Variants in EDN2 observed in about 807,000 individuals in gnomAD.
EDN2 encodes the protein endothelin 2, also known as endothelin-2.
Under a neutral mutation model 19.9 loss-of-function variants are expected in EDN2, and 10 were observed. That is an observed-to-expected ratio of 0.50 (90% CI 0.31 to 0.85). The LOEUF (loss-of-function observed/expected upper bound fraction) is 0.85. EDN2 is among the 40% of genes least tolerant of loss of function. The pLI is 0.05. For synonymous variants in EDN2, 84 were observed against 94.9 expected (o/e 0.89, Z 0.67); for missense variants, 222 against 239.3 (o/e 0.93, Z 0.48).
At chr1:41,479,925 G>A (rs1429453281) in intron 4 of EDN2, among the ~76,000 whole-genome samples, 1 of 152,206 alleles carries the variant, frequency 6.6e-6, no homozygotes, top group East Asian at 1.9e-4. Flanking sequence ...GTTCAAGGTA[G>A]TCCAGCCCAG....
In EDN2 at chr1:41,482,520, T is replaced by C; in HGVS notation, c.290A>G (p.Gln97Arg). The change falls in exon 3 of 5, where the codon CAG (glutamine) becomes CGG (arginine). Residue 97 changes from glutamine to arginine, a missense_variant. By Grantham distance (43) the Gln-to-Arg change is conservative (BLOSUM62 1). Coordinates refer to ENST00000372587, the MANE Select transcript of EDN2 (RefSeq NM_001956.5). ...GGCGGGGTCCCTGGCACTGGAGCAC[T>C]GACAGCGCCTTGGCAGGGAGCGGCG... ...RRRRSLPRRCQCSSARDPACA... is the reference protein window; with the variant it reads ...RRRRSLPRRCRCSSARDPACA... 1 of 1,595,366 alleles carries C rather than the reference T, an allele frequency of 6.3e-7. No homozygotes were observed. Among genetic ancestry groups the C allele is most frequent in the Non-Finnish European group, 8.5e-7 (1 of 1,172,314 alleles).
In EDN2 at chr1:41,484,609, G is replaced by C; in HGVS notation, c.-8C>G. On this transcript the variant is annotated 5_prime_UTR_variant, in exon 1 of 5. Transcript: ENST00000372587. ...GGTAGGCACGGAGACCATAGCGGCG[G>C]TGGAGCGCGCAGGCTGGACTGGAGC... 6 of 1,555,348 alleles carry C rather than the reference G, an allele frequency of 3.9e-6. No individual in the cohort carries two copies. Among genetic ancestry groups the C allele is most frequent in the Non-Finnish European group, 5.2e-6 (6 of 1,149,158 alleles).
rs113626781 is a variant in EDN2 at position 41,479,447 on chromosome 1, C to G, written c.499G>C (p.Glu167Gln). Residue 167 changes from glutamate to glutamine, a missense_variant, in exon 5 of 5, where the codon GAG (glutamate) becomes CAG (glutamine). Physicochemically the swap from Glu to Gln is conservative, Grantham distance 29 (BLOSUM62 2). Coordinates refer to ENST00000372587, the MANE Select transcript of EDN2 (RefSeq NM_001956.5). ...FAKRQQEAMR[E>Q]PRSTHSRWRK... The stretch of plus-strand genomic sequence containing the variant: ...CACCTGGAATGTGTGGACCGAGGCT[C>G]CCGCATGGCCTCCTGTTGTCGCTTG... The G allele has an allele frequency of 1.1e-4, 173 of 1,614,200 alleles. 2 individuals carry two copies. The African/African-American group carries it at 1.7e-3, about 16-fold the overall frequency.
At chr1:41,482,684 C>T in intron 2 of EDN2, 96 bp from the exon 3 acceptor site, 12 of 1,412,280 alleles carry the variant, frequency 8.5e-6, no homozygotes, top group South Asian at 6.2e-5. Flanking sequence ...AAACCACAAC[C>T]ATTGGCAAGC....
intron 3 of EDN2, among the ~76,000 whole-genome samples, chr1:41,482,093 T>C (rs1165276843): frequency 6.6e-6 from 1 of 152,192 alleles, no homozygotes; most frequent in Admixed American, 6.5e-5. Context: ...CAAAGCCCAG[T>C]AGGACTCGAT....
At chr1:41,483,757 A>G in intron 2 of EDN2, 1 of 306,116 alleles carries the variant, frequency 3.3e-6, no homozygotes, top group Non-Finnish European at 6.1e-6. Context: ...TACCTGTGTG[A>G]TCTTGGGGGA....
At chr1:41,481,245 C>CCAGG in intron 3 of EDN2, 52 bp from the exon 4 acceptor site, 1 of 1,529,016 alleles carries the variant, frequency 6.5e-7, no homozygotes, top group Non-Finnish European at 9.0e-7. Context: ...GGCCCTGAAG[C>CCAGG]TACCTGGCTG....
At chr1:41,479,587 A>G in intron 4 of EDN2, 85 bp from the exon 5 acceptor site, 1 of 1,217,558 alleles carries the variant, frequency 8.2e-7, no homozygotes, top group East Asian at 2.4e-5. Context: ...CAATGGGGCT[A>G]CAGCCCTTGC....
At chr1:41,482,699 A>G in intron 2 of EDN2, 111 bp from the exon 3 acceptor site, 1 of 1,357,148 alleles carries the variant, frequency 7.4e-7, no homozygotes, top group Non-Finnish European at 9.5e-7. Context: ...GCAAGCAGGG[A>G]CTGTCCACAC....
chr1:41,481,566 T>C (rs1282612222), intron 3 of EDN2, among the ~76,000 whole-genome samples: 1 of 146,732 alleles, frequency 6.8e-6, no homozygotes, highest in Non-Finnish European at 1.5e-5. Context: ...TGAGACTGAG[T>C]TTCACTCTTG....
intron 1 of EDN2, 63 bp from the exon 2 acceptor site, chr1:41,484,266 G>C: frequency 1.9e-6 from 3 of 1,571,550 alleles, no homozygotes; most frequent in Non-Finnish European, 2.6e-6. Flanking sequence ...ACATCCCAGA[G>C]TGGGGGACCC....
intron 3 of EDN2, among the ~76,000 whole-genome samples, chr1:41,481,621 C>T (rs1644248420): frequency 6.6e-6 from 1 of 151,658 alleles, no homozygotes; most frequent in Non-Finnish European, 1.5e-5. Context: ...CTCACTGCAG[C>T]ATCTGCCTCC....
intron 2 of EDN2, 57 bp from the exon 3 acceptor site, chr1:41,482,645 G>GA (rs1284828089): frequency 3.3e-5 from 49 of 1,493,856 alleles, no homozygotes; most frequent in Non-Finnish European, 4.3e-5. Context: ...GAGAGAGAGA[G>GA]AAAAAAATAA....
chr1:41,479,717 G>T (rs769877376), intron 4 of EDN2, among the ~76,000 whole-genome samples: 16 of 152,220 alleles, frequency 1.1e-4, no homozygotes, highest in Non-Finnish European at 1.3e-4. Context: ...TGGGGGCTTT[G>T]ACAGAGCTAA....
chr1:41,480,797 T>C, intron 4 of EDN2: 1 of 569,740 alleles, frequency 1.8e-6, no homozygotes. Context: ...AGATGCTCCA[T>C]TCAGCACAGC....
At position 41,484,492 on chromosome 1, in the gene EDN2, G is replaced by T. The variant is rs41310440; in HGVS notation, c.64+46C>A. ...CAGCCCTAGAGGGAGACAGAGATAG[G>T]CAGACCCAGGAGCTGTAGGCAGCAG... is the stretch of plus-strand genomic sequence containing the variant. On this transcript the variant is annotated intron_variant, in intron 1 of 4. Transcript: ENST00000372587. 3.1e-3 allele frequency: 4,823 copies of T among 1,549,134 alleles called. 11 individuals are homozygous for T. Among genetic ancestry groups the T allele is most frequent in the Non-Finnish European group, 4.0e-3 (4,563 of 1,145,518 alleles).
At position 41,484,631 on chromosome 1, in the gene EDN2, G is replaced by C. The variant is rs1276997420; in HGVS notation, c.-30C>G. 1.3e-6 allele frequency: 2 copies of C among 1,551,762 alleles called. No individual in the cohort carries two copies. Among genetic ancestry groups the C allele is most frequent in the African/African-American group, 1.4e-5 (1 of 73,226 alleles). On this transcript the variant is annotated 5_prime_UTR_variant, in exon 1 of 5. Transcript: ENST00000372587. ...GCGGTGGAGCGCGCAGGCTGGACTG[G>C]AGCAGGGAGTGCCTGTTGCCAGCGT...
intron 2 of EDN2, among the ~76,000 whole-genome samples, chr1:41,483,475 G>A (rs975438216): frequency 5.9e-5 from 9 of 152,228 alleles, no homozygotes; most frequent in African/African-American, 1.4e-4. Flanking sequence ...GGGTGCAGGC[G>A]GAACAGACAG....
chr1:41,480,576 GCAGTCTGCCCCA>G (rs1161012306), intron 4 of EDN2: 13 of 377,208 alleles, frequency 3.4e-5, no homozygotes, highest in Middle Eastern at 7.6e-4. Context: ...TTCAGATCAA[GCAGTCTGCCCCA>G]GAGGCTGCCC....
Sources: allele counts gnomAD v4.1 joint callset (sites outside exome capture counted in the v4.1 genomes callset), GRCh38; gene constraint gnomAD v4.1.1; transcripts MANE v1.5; gene names NCBI Gene and HGNC (gene_info 2026-07-23, HGNC 2026-07-21).